The following SPIRE1 variants were observed in gnomAD, a reference collection of about 807,000 sequenced individuals.
SPIRE1 encodes the protein protein spire homolog 1.
In SPIRE1, 40 loss-of-function variants were observed where a neutral mutation model predicts 94.1. The ratio of observed to expected loss-of-function variants is 0.43; its 90% CI spans 0.33 to 0.55. The LOEUF (loss-of-function observed/expected upper bound fraction) is 0.55, where lower values mean the gene tolerates loss of function less well. Ranked by LOEUF, SPIRE1 falls within the 20% of genes least tolerant of loss-of-function variation. The pLI, the probability that SPIRE1 is intolerant of heterozygous loss-of-function variation, is 0.06. For synonymous variants in SPIRE1, 376 were observed against 371.7 expected, an observed-to-expected ratio of 1.01 and a Z score of -0.13; for missense variants, 838 against 975.2, an observed-to-expected ratio of 0.86 and a Z score of 1.87.
chr18:12,467,087 C>T (rs1389207090), intron 10 of SPIRE1, among the ~76,000 whole-genome samples: 2 of 152,042 alleles, frequency 1.3e-5, no homozygotes, highest in African/African-American at 2.4e-5. Context: ...CAAGACCAGC[C>T]GGGCCAACAT....
chr18:12,525,483 G>C (rs1306574839), intron 4 of SPIRE1, among the ~76,000 whole-genome samples: 3 of 151,644 alleles, frequency 2.0e-5, no homozygotes, highest in Non-Finnish European at 4.4e-5. Flanking sequence ...CAACACTGTT[G>C]TCATTTCATC....
chr18:12,483,701 C>T (rs1194815477), intron 9 of SPIRE1, among the ~76,000 whole-genome samples: 1 of 151,864 alleles, frequency 6.6e-6, no homozygotes, highest in Non-Finnish European at 1.5e-5. Flanking sequence ...TCATCATTAT[C>T]TTGTACTTAA....
intron 12 of SPIRE1, among the ~76,000 whole-genome samples, chr18:12,456,286 A>G (rs1204466203): frequency 6.6e-6 from 1 of 152,212 alleles, no homozygotes; most frequent in East Asian, 1.9e-4. Flanking sequence ...TCAGAAAAAG[A>G]GTAGTGTTAG....
intron 2 of SPIRE1, among the ~76,000 whole-genome samples, chr18:12,601,880 CACA>C (rs2036844645): frequency 1.3e-5 from 2 of 152,076 alleles, no homozygotes; most frequent in Non-Finnish European, 2.9e-5. Flanking sequence ...TTATACCTGG[CACA>C]ACAAGATGAT....
intron 7 of SPIRE1, among the ~76,000 whole-genome samples, chr18:12,493,619 C>T (rs769205510): frequency 2.0e-4 from 31 of 152,068 alleles, no homozygotes; most frequent in Non-Finnish European, 3.8e-4. Flanking sequence ...GTTGGTCAGG[C>T]TGGTCTCGAT....
chr18:12,446,558 A>G lies in SPIRE1; in HGVS notation c.*3080T>C, dbSNP rs2030942030. ...TTTTCTCTAAATTTTAAAATAGAAG[A>G]CTTTAATGGAAAACATTTAGTACCA... On this transcript the variant is annotated 3_prime_UTR_variant, in exon 17 of 17. Transcript: ENST00000409402. 1 of 152,216 alleles carries G rather than the reference A, an allele frequency of 6.6e-6. No homozygotes were observed. The highest frequency in any genetic ancestry group is 2.4e-5 in the African/African-American group (1 of 41,470). 9.4% of individuals were successfully genotyped at this position (152,216 alleles called of 1,614,324 possible).
In SPIRE1 at chr18:12,546,666, T is replaced by TGCC. The variant is rs1455566422; in HGVS notation, c.603+5_603+7dup. 6.3e-7 allele frequency: 1 copy of TGCC among 1,599,398 alleles called. No individual in the cohort carries two copies. Among genetic ancestry groups the TGCC allele is most frequent in the South Asian group, 1.1e-5 (1 of 90,740 alleles). On this transcript the variant is annotated splice_region_variant and intron_variant, in intron 3 of 16. Coordinates refer to ENST00000409402, the MANE Select transcript of SPIRE1 (RefSeq NM_001128626.2). ...AAAAAACAAGTACTGCATAAAACGC[T>TGCC]GCCTTACCTTCATGACATCTCTATA...
chr18:12,577,393 C>T (rs1356161081), intron 2 of SPIRE1, among the ~76,000 whole-genome samples: 1 of 152,016 alleles, frequency 6.6e-6, no homozygotes, highest in Admixed American at 6.6e-5. Flanking sequence ...GTGATCTGCC[C>T]ACCTCAGCCT....
intron 8 of SPIRE1, among the ~76,000 whole-genome samples, chr18:12,487,671 C>T (rs910148653): frequency 2.6e-5 from 4 of 152,040 alleles, no homozygotes; most frequent in Non-Finnish European, 4.4e-5. Context: ...GGATTACAGG[C>T]GTGAGCTACT....
At chr18:12,476,606 CACATATAT>C (rs1184041423) in intron 10 of SPIRE1, among the ~76,000 whole-genome samples, 2 of 131,674 alleles carry the variant, frequency 1.5e-5, no homozygotes, top group African/African-American at 2.7e-5. Flanking sequence ...CACACACACA[CACATATAT>C]ACACACACAT....
intron 3 of SPIRE1, among the ~76,000 whole-genome samples, chr18:12,543,853 A>G (rs2035078509): frequency 6.6e-6 from 1 of 152,258 alleles, no homozygotes; most frequent in South Asian, 2.1e-4. Context: ...CTCTTCCAAC[A>G]AAGTAAACAA....
intron 6 of SPIRE1, among the ~76,000 whole-genome samples, chr18:12,499,314 T>C (rs921994355): frequency 2.0e-5 from 3 of 152,202 alleles, no homozygotes; most frequent in South Asian, 2.1e-4. Context: ...GGATTGAACA[T>C]AGGTGTATGA....
At chr18:12,496,240 G>T in intron 6 of SPIRE1, 138 bp from the exon 7 acceptor site, 1 of 598,850 alleles carries the variant, frequency 1.7e-6, no homozygotes, top group Non-Finnish European at 3.0e-6. Context: ...TCAATAAAGT[G>T]GGGAGTAAAT....
chr18:12,476,405 G>T (rs1298531676), intron 10 of SPIRE1, among the ~76,000 whole-genome samples: 2 of 151,270 alleles, frequency 1.3e-5, no homozygotes, highest in Non-Finnish European at 2.9e-5. Context: ...GCTGAGCATG[G>T]TGGCAGGCAC....
At chr18:12,602,022 G>C (rs2036847214) in intron 2 of SPIRE1, among the ~76,000 whole-genome samples, 1 of 152,136 alleles carries the variant, frequency 6.6e-6, no homozygotes, top group African/African-American at 2.4e-5. Context: ...GCTCACTTGG[G>C]TGACTAGGGG....
chr18:12,449,422 T>C lies in SPIRE1; in HGVS notation c.*216A>G. 1 of 579,664 alleles carries C rather than the reference T, an allele frequency of 1.7e-6. No homozygotes were observed. The highest frequency in any genetic ancestry group is 3.0e-6 in the Non-Finnish European group (1 of 329,834). 35.9% of individuals were successfully genotyped at this position (579,664 alleles called of 1,614,324 possible). On this transcript the variant is annotated 3_prime_UTR_variant, in exon 17 of 17. Coordinates refer to ENST00000409402, the MANE Select transcript of SPIRE1 (RefSeq NM_001128626.2). ...AAGTAAGTTTCAAACTGTTGTCCTC[T>C]CTCAGTGCAAACGAGCAATTGGCGG...
intron 2 of SPIRE1, among the ~76,000 whole-genome samples, chr18:12,623,310 C>T (rs1009984779): frequency 4.5e-4 from 69 of 151,658 alleles, no homozygotes; most frequent in Admixed American, 3.9e-3. Flanking sequence ...CCCGCCACCA[C>T]GCCTGGCTGA....
chr18:12,453,072 T>C lies in SPIRE1; in HGVS notation c.1843A>G (p.Lys615Glu). ...FTWSYTCQFCKRPVCSQCCKK... is the reference protein window; with the variant it reads ...FTWSYTCQFCERPVCSQCCKK... Reference sequence around the variant, plus strand: ...ATCAATTACAAAATACCTTACCTCTTACAGAACTGACAGGTATAAGACCAA... The same window carrying C: ...ATCAATTACAAAATACCTTACCTCTCACAGAACTGACAGGTATAAGACCAA... Residue 615 changes from lysine (K) to glutamate (E), a missense_variant, in exon 14 of 17, where the codon AAG becomes GAG. Coordinates refer to ENST00000409402, the MANE Select transcript of SPIRE1 (RefSeq NM_001128626.2). 6.3e-7 allele frequency: 1 copy of C among 1,580,586 alleles called. No individual in the cohort carries two copies. Among genetic ancestry groups the C allele is most frequent in the Non-Finnish European group, 8.6e-7 (1 of 1,168,064 alleles).
intron 16 of SPIRE1, chr18:12,450,727 G>A: frequency 1.5e-6 from 1 of 663,564 alleles, no homozygotes; most frequent in Non-Finnish European, 2.7e-6. Context: ...CCCCGAAAAA[G>A]CCACCGTCTG....
Sources: allele counts gnomAD v4.1 joint callset (sites outside exome capture counted in the v4.1 genomes callset), GRCh38; gene constraint gnomAD v4.1.1; transcripts MANE v1.5; gene names NCBI Gene and HGNC (gene_info 2026-07-23, HGNC 2026-07-21).